Variants in POLI observed in about 807,000 individuals in gnomAD.
The protein encoded by POLI is RAD30 homolog B.
Under a neutral mutation model 51.6 loss-of-function variants are expected in POLI, and 58 were observed. The observed-to-expected ratio is 1.12, with a 90% confidence interval of 0.91 to 1.40. The LOEUF (loss-of-function observed/expected upper bound fraction) is 1.40. Among genes scored for constraint, POLI ranks in the 40% most tolerant of loss-of-function variants. POLI has a pLI of 0.00. For missense variants in POLI, 921 were observed against 871.3 expected, an observed-to-expected ratio of 1.06 and a Z score of -0.72; for synonymous variants, 322 against 299.7, an observed-to-expected ratio of 1.07 and a Z score of -0.77.
chr18:54,312,134 C>G (rs1337615382), intron 3 of POLI, among the ~76,000 whole-genome samples: 1 of 152,094 alleles, frequency 6.6e-6, no homozygotes, highest in Non-Finnish European at 1.5e-5. Flanking sequence ...CCCCCAGCGT[C>G]TGTTGTTTCC....
intron 6 of POLI, among the ~76,000 whole-genome samples, chr18:54,283,543 C>A (rs1250767428): frequency 1.3e-5 from 2 of 151,902 alleles, no homozygotes; most frequent in Non-Finnish European, 2.9e-5. Flanking sequence ...ATGAGGATAC[C>A]GTACTTTAGA....
chr18:54,291,888 T>TA lies in POLI; in HGVS notation c.1255dup (p.Met419AsnfsTer21). Reference sequence around the variant, plus strand: ...ATATACTTATGAAACTTTTTCGAAATATGGTGAATGTGAAGATGCCATTTC... The same window carrying TA: ...ATATACTTATGAAACTTTTTCGAAATAATGGTGAATGTGAAGATGCCATTTC... On this transcript the variant is annotated frameshift_variant, in exon 9 of 10. Transcript: ENST00000579534. LOFTEE classifies it high-confidence loss of function. 2 of 1,607,798 alleles carry TA rather than the reference T, an allele frequency of 1.2e-6. No homozygotes were observed. Among genetic ancestry groups the TA allele is most frequent in the Non-Finnish European group, 1.7e-6 (2 of 1,174,878 alleles).
chr18:54,293,893 A>G lies in POLI; in HGVS notation c.1649A>G (p.Glu550Gly), dbSNP rs778876685. 4 of 1,613,188 alleles carry G rather than the reference A, an allele frequency of 2.5e-6. No individual in the cohort carries two copies. The highest frequency in any genetic ancestry group is 3.4e-6 in the Non-Finnish European group (4 of 1,179,442). The stretch of plus-strand genomic sequence containing the variant: ...GAAATCCTTTCTGGAAAATCTAGGG[A>G]AAAATTTCAAGGGAAAGGAAGTGTG... ...QEEILSGKSR[E>G]KFQGKGSVSC... The change falls in exon 10 of 10, where the codon GAA (glutamate) becomes GGA (glycine). Residue 550 changes from glutamate (E) to glycine (G), a missense_variant. Transcript: ENST00000579534.
chr18:54,313,980 G>T (rs1053428864), intron 3 of POLI, among the ~76,000 whole-genome samples: 3 of 152,060 alleles, frequency 2.0e-5, no homozygotes, highest in Non-Finnish European at 4.4e-5. Context: ...AGGATTTCCA[G>T]TACTGTTGAT....
intron 9 of POLI, among the ~76,000 whole-genome samples, chr18:54,292,406 G>A (rs1249299356): frequency 6.6e-6 from 1 of 152,028 alleles, no homozygotes; most frequent in South Asian, 2.1e-4. Flanking sequence ...TGAGCTACTA[G>A]TACCTTTCCC....
rs3730757 is a variant in POLI, at chr18:54,285,453, A to G, written c.1067+1440A>G. On this transcript the variant is annotated intron_variant, in intron 7 of 9. Coordinates refer to ENST00000579534, the MANE Select transcript of POLI (RefSeq NM_007195.3). ...TTCCCGGCTCCTTTTCTCCCACACCACGGGCCCTTATTTCAGTGACTGAAT... is the reference window on the plus strand; with the variant it reads ...TTCCCGGCTCCTTTTCTCCCACACCGCGGGCCCTTATTTCAGTGACTGAAT... Among the ~76,000 whole-genome samples, 888 of 150,804 alleles carry G rather than the reference A, an allele frequency of 5.9e-3. 6 individuals are homozygous for G. Among genetic ancestry groups the G allele is most frequent in the African/African-American group, 0.018 (758 of 40,986 alleles).
intron 3 of POLI, among the ~76,000 whole-genome samples, chr18:54,274,514 T>C (rs1445657359): frequency 6.6e-6 from 1 of 151,878 alleles, no homozygotes; most frequent in Non-Finnish European, 1.5e-5. Context: ...AAAACTGATT[T>C]CTTATGAAAT....
At chr18:54,312,416 A>G (rs145123804) in intron 3 of POLI, among the ~76,000 whole-genome samples, 4 of 152,288 alleles carry the variant, frequency 2.6e-5, no homozygotes, top group African/African-American at 9.6e-5. Flanking sequence ...ATAGCGCTGC[A>G]GTGAACATAT....
Position 54,283,962 on chromosome 18 carries a change from A to C in POLI, c.1016A>C (p.Glu339Ala). ...GATTCATTTAAAAAATGTTCATCTG[A>C]AGTTGAAGCTAAAAATAAGATTGAA... is the stretch of plus-strand genomic sequence containing the variant. The part of the protein sequence containing the change: ...EEDSFKKCSS[E>A]VEAKNKIEEL... Residue 339 changes from glutamate (E) to alanine (A), a missense_variant, in exon 7 of 10, where the codon GAA becomes GCA. Transcript: ENST00000579534. The C allele has an allele frequency of 6.8e-7, 1 of 1,476,714 alleles. No individual in the cohort carries two copies. Among genetic ancestry groups the C allele is most frequent in the Non-Finnish European group, 9.4e-7 (1 of 1,064,184 alleles). The allele number at this position is 1,476,714 out of a possible 1,614,324, so 91.5% of individuals were successfully genotyped here.
chr18:54,307,907 G>GTTTT (rs146438469), intron 3 of POLI, among the ~76,000 whole-genome samples: 2 of 145,136 alleles, frequency 1.4e-5, no homozygotes, highest in Non-Finnish European at 1.5e-5. Context: ...TTCAACCCCT[G>GTTTT]TTTTTTTTTT....
At chr18:54,315,792 T>C (rs774132209) in intron 3 of POLI, among the ~76,000 whole-genome samples, 2 of 152,218 alleles carry the variant, frequency 1.3e-5, no homozygotes, top group African/African-American at 4.8e-5. Flanking sequence ...TTTTTTGTTT[T>C]CCATTTGCAT....
chr18:54,280,656 T>C lies in POLI; in HGVS notation c.560-11T>C, dbSNP rs1394823375. On this transcript the variant is annotated splice_polypyrimidine_tract_variant and intron_variant, in intron 4 of 9. Coordinates refer to ENST00000579534, the MANE Select transcript of POLI (RefSeq NM_007195.3). ...TCTTGTGACTTTGAATGACATTTGT[T>C]GTTTTTAAAGCTATAAACCTGCTTG... is the stretch of plus-strand genomic sequence containing the variant. The C allele has an allele frequency of 1.9e-6, 3 of 1,547,546 alleles. No individual in the cohort carries two copies. The highest frequency in any genetic ancestry group is 2.7e-6 in the Non-Finnish European group (3 of 1,123,792).
At chr18:54,276,780 TC>T (rs1275187759) in intron 3 of POLI, among the ~76,000 whole-genome samples, 3 of 152,176 alleles carry the variant, frequency 2.0e-5, no homozygotes, top group African/African-American at 7.2e-5. Context: ...AATGTTGACA[TC>T]AACAAAACAA....
chr18:54,270,515 T>C (rs1225812946), intron 1 of POLI: 1 of 152,232 alleles, frequency 6.6e-6, no homozygotes, highest in Non-Finnish European at 1.5e-5. Flanking sequence ...TAGATCCCCC[T>C]AGTGTTAACA....
At chr18:54,289,214 TC>T (rs372131810) in intron 8 of POLI, among the ~76,000 whole-genome samples, 4 of 151,130 alleles carry the variant, frequency 2.6e-5, no homozygotes, top group Non-Finnish European at 3.0e-5. Context: ...TTTTTTTTTT[TC>T]CATTCAAATT....
At chr18:54,320,576 G>A (rs1048781684) in intron 4 of POLI, among the ~76,000 whole-genome samples, 5 of 152,176 alleles carry the variant, frequency 3.3e-5, no homozygotes, top group African/African-American at 1.2e-4. Context: ...GCTTTTTGCT[G>A]GGGCTAAATA....
At chr18:54,288,260 A>T (rs2087837247) in intron 8 of POLI, among the ~76,000 whole-genome samples, 1 of 152,010 alleles carries the variant, frequency 6.6e-6, no homozygotes, top group South Asian at 2.1e-4. Context: ...TCTTTTATGG[A>T]TAGTGTTTTT....
At chr18:54,303,551 G>A (rs1247462089) in intron 3 of POLI, among the ~76,000 whole-genome samples, 2 of 152,086 alleles carry the variant, frequency 1.3e-5, no homozygotes, top group African/African-American at 2.4e-5. Context: ...TGATTTTGGA[G>A]TGTGTGTTCA....
Position 54,294,245 on chromosome 18 carries a change from T to G in POLI, c.2001T>G (p.Leu667=). The G allele has an allele frequency of 6.2e-7, 1 of 1,613,744 alleles. No homozygotes were observed. The highest frequency in any genetic ancestry group is 8.5e-7 in the Non-Finnish European group (1 of 1,179,728). ...HSFPNLQSEQ[L]FSRNHTTDSH... is the part of the protein sequence containing the mutation. ...TTCCAAACTTGCAGAGTGAGCAACT[T>G]TTCTCCAGAAACCACACTACAGATA... The change falls in exon 10 of 10, where the codon CTT becomes CTG. Residue 667 remains leucine, a synonymous_variant. Transcript: ENST00000579534.
Sources: allele counts gnomAD v4.1 joint callset (sites outside exome capture counted in the v4.1 genomes callset), GRCh38; gene constraint gnomAD v4.1.1; transcripts MANE v1.5; gene names NCBI Gene and HGNC (gene_info 2026-07-23, HGNC 2026-07-21).